The following ZBTB5 variants were observed in gnomAD, a reference collection of about 807,000 sequenced individuals.
ZBTB5 encodes the protein zinc finger and BTB domain-containing protein 5.
In ZBTB5, 15 loss-of-function variants were observed where a neutral mutation model predicts 37.9. That is an observed-to-expected ratio of 0.40 (90% confidence interval 0.26 to 0.61). The LOEUF is 0.61. Ranked by LOEUF, ZBTB5 falls within the 20% of genes least tolerant of loss-of-function variation. The pLI is 0.47. For missense variants in ZBTB5, 708 were observed against 856.8 expected, an observed-to-expected ratio of 0.83 and a Z score of 2.17; for synonymous variants, 315 against 312.4, an observed-to-expected ratio of 1.01 and a Z score of -0.09.
rs1823774389 is a variant in ZBTB5 at position 37,438,545 on chromosome 9, G to A, written c.*1973C>T. On this transcript the variant is annotated 3_prime_UTR_variant, in exon 2 of 2. Transcript: ENST00000307750. ...CAAAGTCCACTTATGCTTCAGCAGAGGTAAGCGGGCAGGCTCCTGGCACCA... is the reference window on the plus strand; with the variant it reads ...CAAAGTCCACTTATGCTTCAGCAGAAGTAAGCGGGCAGGCTCCTGGCACCA... The A allele has an allele frequency of 6.6e-6, 1 of 152,250 alleles. No individual in the cohort carries two copies. Among genetic ancestry groups the A allele is most frequent in the Non-Finnish European group, 1.5e-5 (1 of 68,064 alleles). 9.4% of individuals were successfully genotyped at this position (152,250 alleles called of 1,614,324 possible).
chr9:37,449,954 A>G (rs1168519028), intron 1 of ZBTB5, among the ~76,000 whole-genome samples: 2 of 152,138 alleles, frequency 1.3e-5, no homozygotes, highest in Non-Finnish European at 2.9e-5. Flanking sequence ...TAAGCAGCAG[A>G]CAATGGGGCA....
chr9:37,461,143 G>A (rs572185388), intron 1 of ZBTB5, among the ~76,000 whole-genome samples: 1 of 152,262 alleles, frequency 6.6e-6, no homozygotes, highest in African/African-American at 2.4e-5. Flanking sequence ...TACAATCTAA[G>A]TAACTTAAAT....
Position 37,439,882 on chromosome 9 carries a change from A to T in ZBTB5, c.*636T>A, listed in dbSNP as rs1823824479. On this transcript the variant is annotated 3_prime_UTR_variant, in exon 2 of 2. Coordinates refer to ENST00000307750, the MANE Select transcript of ZBTB5 (RefSeq NM_014872.3). ...CTGTTAAAACATCTATCCAACAGTGATGTATTCAAAAGTATATACATCTAA... is the reference window on the plus strand; with the variant it reads ...CTGTTAAAACATCTATCCAACAGTGTTGTATTCAAAAGTATATACATCTAA... 1 of 153,074 alleles carries T rather than the reference A, an allele frequency of 6.5e-6. No individual in the cohort carries two copies. Among genetic ancestry groups the T allele is most frequent in the South Asian group, 2.1e-4 (1 of 4,840 alleles). 9.5% of individuals were successfully genotyped at this position (153,074 alleles called of 1,614,324 possible).
At chr9:37,445,466 G>A (rs1324257813) in intron 1 of ZBTB5, among the ~76,000 whole-genome samples, 1 of 151,812 alleles carries the variant, frequency 6.6e-6, no homozygotes, top group Admixed American at 6.6e-5. Flanking sequence ...GCAACATGGG[G>A]CAAAACCCCA....
At chr9:37,445,341 T>G (rs755671141) in intron 1 of ZBTB5, among the ~76,000 whole-genome samples, 11 of 152,154 alleles carry the variant, frequency 7.2e-5, no homozygotes, top group Non-Finnish European at 1.2e-4. Flanking sequence ...ATTTGGCATG[T>G]TATTTAGAAG....
chr9:37,450,151 G>A (rs906625263), intron 1 of ZBTB5, among the ~76,000 whole-genome samples: 2 of 152,086 alleles, frequency 1.3e-5, no homozygotes, highest in Non-Finnish European at 2.9e-5. Context: ...CCTTTCAGAA[G>A]CTCCTCTGTC....
Position 37,459,596 on chromosome 9 carries a change from C to T in ZBTB5, c.-5+5619G>A, listed in dbSNP as rs309442. The stretch of plus-strand genomic sequence containing the variant: ...TCAGGCAGAGTCTCACTCTGTTACC[C>T]AGGCTGGAGTGCAGTGGCACAATCT... On this transcript the variant is annotated intron_variant, in intron 1 of 1. Coordinates refer to ENST00000307750, the MANE Select transcript of ZBTB5 (RefSeq NM_014872.3). Among the ~76,000 whole-genome samples, 1,160 of 151,734 alleles carry T rather than the reference C, an allele frequency of 7.6e-3. 14 individuals are homozygous for T. Among genetic ancestry groups the T allele is most frequent in the African/African-American group, 0.027 (1,101 of 41,338 alleles).
chr9:37,455,320 T>A (rs1824168126), intron 1 of ZBTB5, among the ~76,000 whole-genome samples: 1 of 152,066 alleles, frequency 6.6e-6, no homozygotes, highest in Non-Finnish European at 1.5e-5. Flanking sequence ...ATCTTCCCAC[T>A]CCATCCCCTT....
At position 37,441,118 on chromosome 9, in the gene ZBTB5, G is replaced by A. The variant is rs767700773; in HGVS notation, c.1434C>T (p.Phe478=). 69 of 1,613,880 alleles carry A rather than the reference G, an allele frequency of 4.3e-5. No individual in the cohort carries two copies. Among genetic ancestry groups the A allele is most frequent in the South Asian group, 1.9e-4 (17 of 91,062 alleles). The change falls in exon 2 of 2, where the codon TTC becomes TTT. Residue 478 remains phenylalanine, a synonymous_variant. Coordinates refer to ENST00000307750, the MANE Select transcript of ZBTB5 (RefSeq NM_014872.3). The stretch of plus-strand genomic sequence containing the variant: ...CCATCACCTCCTGCATAGGCCTGAC[G>A]AAGTGGGAGTCTGCAGGTTCACTAA... The part of the protein sequence containing the change: ...NPFSEPADSH[F]VRPMQEVMGL...
At chr9:37,464,372 A>C (rs1297970121) in intron 1 of ZBTB5, among the ~76,000 whole-genome samples, 1 of 152,254 alleles carries the variant, frequency 6.6e-6, no homozygotes, top group East Asian at 1.9e-4. Context: ...AACTAGAGTC[A>C]GAAGATACTA....
At chr9:37,459,899 A>G (rs2118959819) in intron 1 of ZBTB5, among the ~76,000 whole-genome samples, 1 of 150,416 alleles carries the variant, frequency 6.6e-6, no homozygotes, top group South Asian at 2.1e-4. Flanking sequence ...TTTAGTAGAG[A>G]CGGGGTTTCA....
chr9:37,459,228 G>A (rs1206105280), intron 1 of ZBTB5, among the ~76,000 whole-genome samples: 1 of 152,154 alleles, frequency 6.6e-6, no homozygotes, highest in African/African-American at 2.4e-5. Flanking sequence ...GGAGGCCAAG[G>A]CAGGTGGATC....
In ZBTB5 at chr9:37,439,857, CTG is replaced by C. The variant is rs1220406686; in HGVS notation, c.*659_*660del. On this transcript the variant is annotated 3_prime_UTR_variant, in exon 2 of 2. Coordinates refer to ENST00000307750, the MANE Select transcript of ZBTB5 (RefSeq NM_014872.3). ...AATTTGGTTTTTAAACCAGAAAAAA[CTG>C]TTAAAACATCTATCCAACAGTGATG... is the stretch of plus-strand genomic sequence containing the variant. The C allele has an allele frequency of 6.5e-6, 1 of 152,696 alleles. No individual in the cohort carries two copies. Among genetic ancestry groups the C allele is most frequent in the South Asian group, 2.1e-4 (1 of 4,834 alleles). The allele number at this position is 152,696 out of a possible 1,614,324, so 9.5% of individuals were successfully genotyped here. A position where few individuals can be genotyped will look rare whatever the true frequency, so the allele number is the denominator to read the frequency against.
At position 37,438,964 on chromosome 9, in the gene ZBTB5, G is replaced by C. The variant is rs1226731163; in HGVS notation, c.*1554C>G. 6.6e-6 allele frequency: 1 copy of C among 152,196 alleles called. No homozygotes were observed. Among genetic ancestry groups the C allele is most frequent in the African/African-American group, 2.4e-5 (1 of 41,444 alleles). The allele number at this position is 152,196 out of a possible 1,614,324, so 9.4% of individuals were successfully genotyped here. The stretch of plus-strand genomic sequence containing the variant: ...GTAACTGCACACTCTAGATTAACAG[G>C]AGAGAAAACACGCTCATTTTTGTTT... On this transcript the variant is annotated 3_prime_UTR_variant, in exon 2 of 2. Transcript: ENST00000307750.
In ZBTB5 at chr9:37,439,369, A is replaced by T. The variant is rs1434301428; in HGVS notation, c.*1149T>A. 1.3e-5 allele frequency: 2 copies of T among 152,244 alleles called. No individual in the cohort carries two copies. The highest frequency in any genetic ancestry group is 6.5e-5 in the Admixed American group (1 of 15,282). The allele number at this position is 152,244 out of a possible 1,614,324, so 9.4% of individuals were successfully genotyped here. ...TAGAAAATATTTACCCATGAACACT[A>T]CCATGTTTGGATTTCAAACAACTTT... is the stretch of plus-strand genomic sequence containing the variant. On this transcript the variant is annotated 3_prime_UTR_variant, in exon 2 of 2. Transcript: ENST00000307750.
At chr9:37,450,015 C>T (rs2118944660) in intron 1 of ZBTB5, among the ~76,000 whole-genome samples, 1 of 152,184 alleles carries the variant, frequency 6.6e-6, no homozygotes, top group African/African-American at 2.4e-5. Flanking sequence ...GAATGGCCAG[C>T]CTTCCCCATG....
intron 1 of ZBTB5, among the ~76,000 whole-genome samples, chr9:37,464,604 GAGA>G (rs1280203465): frequency 2.0e-5 from 3 of 152,180 alleles, no homozygotes; most frequent in African/African-American, 7.2e-5. Flanking sequence ...CTCCAAACAG[GAGA>G]AGATGGGACG....
chr9:37,456,042 C>T (rs1824182358), intron 1 of ZBTB5, among the ~76,000 whole-genome samples: 1 of 151,992 alleles, frequency 6.6e-6, no homozygotes, highest in South Asian at 2.1e-4. Flanking sequence ...CTTGACCTCC[C>T]AGGCTCAAGG....
intron 1 of ZBTB5, among the ~76,000 whole-genome samples, chr9:37,446,271 T>G (rs1401095129): frequency 6.6e-6 from 1 of 152,232 alleles, no homozygotes; most frequent in Non-Finnish European, 1.5e-5. Context: ...GGGTGCCAAG[T>G]GGCTCCCCAG....
Sources: allele counts gnomAD v4.1 joint callset (sites outside exome capture counted in the v4.1 genomes callset), GRCh38; gene constraint gnomAD v4.1.1; transcripts MANE v1.5; gene names NCBI Gene and HGNC (gene_info 2026-07-23, HGNC 2026-07-21).